GLI3: variants seen among roughly 807,000 people sequenced by gnomAD.
The protein encoded by GLI3 is GLI family zinc finger 3, also known as transcription activator GLI3.
Under a neutral mutation model 100.8 loss-of-function variants are expected in GLI3, and 20 were observed. That is an observed-to-expected ratio of 0.20 (90% CI 0.14 to 0.29). The LOEUF (loss-of-function observed/expected upper bound fraction) is 0.29, where lower values mean the gene tolerates loss of function less well. Ranked by LOEUF, GLI3 falls within the 10% of genes least tolerant of loss-of-function variation. The pLI is 1.00. For missense variants in GLI3, 2,040 were observed against 2,128.5 expected, an observed-to-expected ratio of 0.96 and a Z score of 0.82; for synonymous variants, 938 against 860.5, an observed-to-expected ratio of 1.09 and a Z score of -1.58.
chr7:42,094,120 C>G (rs1785287122), intron 3 of GLI3, among the ~76,000 whole-genome samples: 2 of 152,164 alleles, frequency 1.3e-5, no homozygotes, highest in Admixed American at 6.5e-5. Context: ...CTCAAGGTCA[C>G]TATCTCCCTT....
chr7:42,158,409 T>C (rs1787053710), intron 2 of GLI3, among the ~76,000 whole-genome samples: 1 of 152,226 alleles, frequency 6.6e-6, no homozygotes, highest in Non-Finnish European at 1.5e-5. Flanking sequence ...TAAATTACTA[T>C]TAACCCCTAA....
At position 42,144,373 on chromosome 7, in the gene GLI3, C is replaced by T. The variant is rs572276999; in HGVS notation, c.367+3853G>A. Among the ~76,000 whole-genome samples the T allele has an allele frequency of 3.2e-4, 48 of 152,274 alleles. No individual in the cohort carries two copies. In the South Asian group the frequency reaches 3.9e-3, roughly 13 times the overall value. ...TGTAGCTGAAAGCCTGTCAACACCA[C>T]GCCATGTCTGAGTCATGCATCTAAA... On this transcript the variant is annotated intron_variant, in intron 3 of 14. Transcript: ENST00000395925.
rs73688623 is a variant in GLI3 at position 42,040,420 on chromosome 7, G to A, written c.827-181C>T. Among the ~76,000 whole-genome samples, 11,268 of 152,282 alleles carry A rather than the reference G, an allele frequency of 0.074. 538 individuals carry two copies. The highest frequency in any genetic ancestry group is 0.1 in the Non-Finnish European group (7,125 of 68,000). The stretch of plus-strand genomic sequence containing the variant: ...TTGAGGAAACTAGGGAGAAATATTT[G>A]TCTTCCAGGGGCTTACCTCGGGGGA... On this transcript the variant is annotated intron_variant, in intron 6 of 14. Transcript: ENST00000395925.
chr7:42,110,663 C>A (rs1044743708), intron 3 of GLI3, among the ~76,000 whole-genome samples: 2 of 152,176 alleles, frequency 1.3e-5, no homozygotes, highest in African/African-American at 4.8e-5. Flanking sequence ...TTGCAATTAT[C>A]TTAAGCTGTT....
chr7:42,119,969 C>A (rs1040009079), intron 3 of GLI3, among the ~76,000 whole-genome samples: 1 of 152,162 alleles, frequency 6.6e-6, no homozygotes. Context: ...CACAGACACA[C>A]GCACACACGC....
At chr7:42,193,457 G>C (rs1208324406) in intron 2 of GLI3, among the ~76,000 whole-genome samples, 1 of 145,534 alleles carries the variant, frequency 6.9e-6, no homozygotes, top group Non-Finnish European at 1.5e-5. Context: ...AGAGTTCCAA[G>C]AAAAAAAAAA....
chr7:41,968,698 A>G (rs954373171), intron 13 of GLI3, among the ~76,000 whole-genome samples: 5 of 122,866 alleles, frequency 4.1e-5, no homozygotes, highest in African/African-American at 1.9e-4. Context: ...AGAAAGAAAG[A>G]AAGAAAGAAA....
At chr7:42,062,749 C>A (rs1175173834) in intron 4 of GLI3, among the ~76,000 whole-genome samples, 1 of 151,358 alleles carries the variant, frequency 6.6e-6, no homozygotes, top group Non-Finnish European at 1.5e-5. Flanking sequence ...CTAAGAGCAG[C>A]CTGAACTTTT....
intron 3 of GLI3, among the ~76,000 whole-genome samples, chr7:42,093,156 A>T (rs1440009746): frequency 2.0e-5 from 3 of 151,850 alleles, no homozygotes; most frequent in Non-Finnish European, 4.4e-5. Flanking sequence ...AGCATGGGCA[A>T]ATCACCTGAG....
chr7:42,080,829 C>A (rs1186155054), intron 3 of GLI3, among the ~76,000 whole-genome samples: 1 of 152,122 alleles, frequency 6.6e-6, no homozygotes, highest in Non-Finnish European at 1.5e-5. Context: ...CCATCATCGG[C>A]CCAAAAAGCT....
intron 10 of GLI3, among the ~76,000 whole-genome samples, chr7:42,007,595 T>C (rs1010469556): frequency 6.6e-6 from 1 of 152,118 alleles, no homozygotes; most frequent in Non-Finnish European, 1.5e-5. Context: ...TCTCAAAGGA[T>C]CTCAGAATAA....
intron 1 of GLI3, among the ~76,000 whole-genome samples, chr7:42,263,039 G>A (rs1789161631): frequency 6.6e-6 from 1 of 152,016 alleles, no homozygotes; most frequent in Non-Finnish European, 1.5e-5. Context: ...TCAGGTCCCT[G>A]GGCCTGTAAT....
chr7:42,075,742 G>A (rs975309092), intron 4 of GLI3, among the ~76,000 whole-genome samples: 3 of 152,172 alleles, frequency 2.0e-5, no homozygotes, highest in Non-Finnish European at 2.9e-5. Flanking sequence ...ATGGGAGATG[G>A]ATCCAAAAAA....
rs199674768 is a variant in GLI3, at chr7:42,025,396, G to A, written c.1243-19C>T. On this transcript the variant is annotated intron_variant, in intron 8 of 14. Coordinates refer to ENST00000395925, the MANE Select transcript of GLI3 (RefSeq NM_000168.6). ...GCTTGTTCTGCTGGTCACATTTGCA[G>A]AGCCAGAGACAAAAAGATTTTCATC... 1 of 1,566,028 alleles carries A rather than the reference G, an allele frequency of 6.4e-7. No homozygotes were observed. The highest frequency in any genetic ancestry group is 2.2e-5 in the East Asian group (1 of 44,654).
intron 7 of GLI3, among the ~76,000 whole-genome samples, chr7:42,028,503 C>A (rs1300438248): frequency 1.1e-4 from 16 of 152,294 alleles, no homozygotes; most frequent in Non-Finnish European, 1.5e-5. Context: ...GTGGCTCACG[C>A]CTGTAATCCC....
intron 3 of GLI3, 86 bp from the exon 4 acceptor site, chr7:42,076,943 G>A (rs1784890533): frequency 7.5e-6 from 6 of 797,132 alleles, no homozygotes; most frequent in Non-Finnish European, 1.1e-5. Context: ...CTATACTATT[G>A]TATCTTCACT....
chr7:42,023,379 A>G, intron 10 of GLI3, 89 bp downstream of exon 10: 1 of 1,391,852 alleles, frequency 7.2e-7, no homozygotes, highest in South Asian at 1.2e-5. Context: ...CTCCTAAGAA[A>G]CTTGACTCAG....
intron 3 of GLI3, among the ~76,000 whole-genome samples, chr7:42,094,326 G>C (rs901001131): frequency 6.6e-6 from 1 of 152,152 alleles, no homozygotes; most frequent in Non-Finnish European, 1.5e-5. Context: ...CACTAGACAG[G>C]GTGTGGTGGC....
At chr7:41,997,679 T>C (rs2128720381) in intron 10 of GLI3, among the ~76,000 whole-genome samples, 1 of 152,350 alleles carries the variant, frequency 6.6e-6, no homozygotes, top group East Asian at 1.9e-4. Flanking sequence ...TGGGTTTATT[T>C]TGCGTGAGCA....
Sources: allele counts gnomAD v4.1 joint callset (sites outside exome capture counted in the v4.1 genomes callset), GRCh38; gene constraint gnomAD v4.1.1; transcripts MANE v1.5; gene names NCBI Gene and HGNC (gene_info 2026-07-23, HGNC 2026-07-21).